The following CCDC152 variants were observed in gnomAD, a reference collection of about 807,000 sequenced individuals.
The protein encoded by CCDC152 is coiled-coil domain containing 152, also known as coiled-coil domain-containing protein 152.
Under a neutral mutation model 38.1 loss-of-function variants are expected in CCDC152, and 37 were observed. The observed-to-expected ratio is 0.97, with a 90% CI of 0.75 to 1.28. The LOEUF is 1.28. Ranked by LOEUF, CCDC152 falls within the 50% of genes most tolerant of loss-of-function variation. The probability of loss-of-function intolerance (pLI) is 0.00; values close to 1 mark genes in which losing one functional copy is unlikely to be tolerated. For synonymous variants in CCDC152, 83 were observed against 87.1 expected (o/e 0.95, Z 0.26); for missense variants, 259 against 292.1 (o/e 0.89, Z 0.83).
intron 3 of CCDC152, 114 bp from the exon 4 acceptor site, chr5:42,769,483 C>A: frequency 8.2e-7 from 1 of 1,213,568 alleles, no homozygotes; most frequent in Non-Finnish European, 1.1e-6. Context: ...GACTACAAGG[C>A]ACACATCACC....
At chr5:42,775,247 G>T (rs529799506) in intron 4 of CCDC152, among the ~76,000 whole-genome samples, 1 of 152,050 alleles carries the variant, frequency 6.6e-6, no homozygotes, top group South Asian at 2.1e-4. Context: ...CAGGGTAAAT[G>T]CTCAAAAAAC....
At chr5:42,797,533 A>G (rs1005725903) in intron 7 of CCDC152, among the ~76,000 whole-genome samples, 15 of 152,112 alleles carry the variant, frequency 9.9e-5, no homozygotes, top group African/African-American at 3.4e-4. Context: ...TAGCACTCAC[A>G]TTTCCCTGAC....
chr5:42,758,444 A>G (rs1157113314), intron 1 of CCDC152, among the ~76,000 whole-genome samples: 1 of 152,208 alleles, frequency 6.6e-6, no homozygotes, highest in Non-Finnish European at 1.5e-5. Context: ...CTTCTTTGCT[A>G]TAGAAAAATC....
At chr5:42,759,988 A>C (rs1034192988) in intron 2 of CCDC152, among the ~76,000 whole-genome samples, 1 of 152,140 alleles carries the variant, frequency 6.6e-6, no homozygotes, top group African/African-American at 2.4e-5. Context: ...CATGGATAAA[A>C]GGGAATTGCT....
chr5:42,766,882 T>C (rs1199938670), intron 3 of CCDC152, among the ~76,000 whole-genome samples: 3 of 152,132 alleles, frequency 2.0e-5, no homozygotes, highest in African/African-American at 4.8e-5. Flanking sequence ...AATAACTTAA[T>C]TGTACATTTT....
chr5:42,773,972 G>A (rs757716823), intron 4 of CCDC152, among the ~76,000 whole-genome samples: 7 of 152,106 alleles, frequency 4.6e-5, no homozygotes, highest in African/African-American at 7.2e-5. Flanking sequence ...TCCTTCAAAC[G>A]TACCTCATCT....
At chr5:42,783,361 A>T in intron 5 of CCDC152, 113 bp from the exon 6 acceptor site, 1 of 338,674 alleles carries the variant, frequency 3.0e-6, no homozygotes, top group Non-Finnish European at 4.6e-6. Flanking sequence ...ATAAATGGAG[A>T]ATTTTTAAAG....
chr5:42,779,631 G>A (rs1219444442), intron 5 of CCDC152, 109 bp downstream of exon 5: 3 of 626,748 alleles, frequency 4.8e-6, no homozygotes, highest in Non-Finnish European at 2.8e-6. Context: ...AAATGTTTGT[G>A]GGTGTGTGTG....
intron 3 of CCDC152, among the ~76,000 whole-genome samples, chr5:42,766,018 C>A (rs1320208991): frequency 1.3e-5 from 2 of 152,072 alleles, no homozygotes; most frequent in African/African-American, 2.4e-5. Flanking sequence ...ACCCCTCTGA[C>A]AAGGGATTAA....
At chr5:42,780,687 C>T (rs75193773) in intron 5 of CCDC152, among the ~76,000 whole-genome samples, 2,740 of 152,260 alleles carry the variant, frequency 0.018, 144 homozygotes, top group South Asian at 0.18. Flanking sequence ...ACTATGACAA[C>T]GCAGATTTGC....
At chr5:42,785,623 C>A (rs1265965835) in intron 6 of CCDC152, among the ~76,000 whole-genome samples, 2 of 152,010 alleles carry the variant, frequency 1.3e-5, no homozygotes, top group East Asian at 1.9e-4. Flanking sequence ...CTATTTATTT[C>A]TCTTTCCTGA....
intron 2 of CCDC152, among the ~76,000 whole-genome samples, chr5:42,759,652 T>A (rs2910866): frequency 0.71 from 107,342 of 152,056 alleles, 38,463 homozygotes; most frequent in East Asian, 0.86. Context: ...CCTGCCCAGG[T>A]TGTGATTCAT....
chr5:42,771,345 A>G (rs374006659), intron 4 of CCDC152, among the ~76,000 whole-genome samples: 4 of 152,180 alleles, frequency 2.6e-5, no homozygotes, highest in East Asian at 3.9e-4. Flanking sequence ...TAAGTAATCT[A>G]TCTTTACACC....
At chr5:42,799,510 T>A in intron 8 of CCDC152, 52 bp downstream of exon 8, 1 of 1,271,678 alleles carries the variant, frequency 7.9e-7, no homozygotes, top group Non-Finnish European at 1.1e-6. Flanking sequence ...TTTCTAAGCA[T>A]GTTTCTATAA....
chr5:42,775,097 A>G (rs1759754826), intron 4 of CCDC152, among the ~76,000 whole-genome samples: 1 of 152,048 alleles, frequency 6.6e-6, no homozygotes, highest in Admixed American at 6.6e-5. Context: ...AAGCTGTAAC[A>G]AACACTTAAT....
intron 6 of CCDC152, 134 bp downstream of exon 6, chr5:42,783,710 T>C: frequency 6.9e-6 from 2 of 290,304 alleles, no homozygotes; most frequent in Non-Finnish European, 1.2e-5. Context: ...TGAACATAAC[T>C]CGTGGTAGAT....
At chr5:42,781,783 G>A (rs1759850700) in intron 5 of CCDC152, among the ~76,000 whole-genome samples, 1 of 152,008 alleles carries the variant, frequency 6.6e-6, no homozygotes, top group African/African-American at 2.4e-5. Flanking sequence ...GGAACACAAT[G>A]GTGAGTCCCA....
intron 4 of CCDC152, among the ~76,000 whole-genome samples, chr5:42,774,037 T>G (rs1047997872): frequency 6.6e-6 from 1 of 152,152 alleles, no homozygotes; most frequent in Non-Finnish European, 1.5e-5. Context: ...TAACAACAAG[T>G]AAAACATTGA....
chr5:42,790,704 G>T (rs955555643), intron 6 of CCDC152, among the ~76,000 whole-genome samples: 2 of 151,954 alleles, frequency 1.3e-5, no homozygotes, highest in African/African-American at 4.8e-5. Flanking sequence ...GTGTTAGATT[G>T]TAACATTTTC....
Sources: gnomAD v4.1 joint callset for allele counts (sites outside exome capture counted in the v4.1 genomes callset) on GRCh38, gnomAD v4.1.1 for gene constraint, MANE v1.5 for transcripts, NCBI Gene and HGNC (gene_info 2026-07-23, HGNC 2026-07-21) for gene names.